GALNTL6: variants seen among roughly 807,000 people sequenced by gnomAD.
GALNTL6 encodes the protein polypeptide N-acetylgalactosaminyltransferase like 6, also known as polypeptide N-acetylgalactosaminyltransferase-like 6.
Under a neutral mutation model 73.7 loss-of-function variants are expected in GALNTL6, and 46 were observed. The observed-to-expected ratio is 0.62, with a 90% CI of 0.49 to 0.80. The LOEUF (loss-of-function observed/expected upper bound fraction) is 0.80. Among genes scored for constraint, GALNTL6 ranks in the 30% least tolerant of loss-of-function variants. The pLI is 0.00. For synonymous variants in GALNTL6, 259 were observed against 263.7 expected, an observed-to-expected ratio of 0.98 and a Z score of 0.17; for missense variants, 604 against 755.0, an observed-to-expected ratio of 0.80 and a Z score of 2.34.
chr4:172,852,513 T>C (rs1327536258), intron 7 of GALNTL6, among the ~76,000 whole-genome samples: 1 of 152,112 alleles, frequency 6.6e-6, no homozygotes, highest in East Asian at 1.9e-4. Flanking sequence ...CAGCAATAAC[T>C]CTACACTGTG....
chr4:172,206,815 TTTG>T lies in GALNTL6; in HGVS notation c.139-22838_139-22836del, dbSNP rs1277063476. Among the ~76,000 whole-genome samples the T allele has an allele frequency of 1.7e-3, 69 of 40,688 alleles. 5 individuals are homozygous for T. Among genetic ancestry groups the T allele is most frequent in the East Asian group, 2.5e-3 (1 of 396 alleles). 26.7% of individuals were successfully genotyped at this position (40,688 alleles called of 152,430 possible). On this transcript the variant is annotated intron_variant, in intron 2 of 12. Coordinates refer to ENST00000506823, the MANE Select transcript of GALNTL6 (RefSeq NM_001034845.3). ...TTGTTTTGTTTTTCTGTTTTTTTTG[TTTG>T]TTTTTTTTTTTTTTTTTGAGACGGA... is the stretch of plus-strand genomic sequence containing the variant.
At chr4:172,590,054 A>G (rs1426612936) in intron 5 of GALNTL6, among the ~76,000 whole-genome samples, 1 of 152,198 alleles carries the variant, frequency 6.6e-6, no homozygotes, top group African/African-American at 2.4e-5. Flanking sequence ...TTGTTAATGC[A>G]TCTTTGTACA....
At chr4:172,753,927 G>C (rs1160884552) in intron 5 of GALNTL6, among the ~76,000 whole-genome samples, 1 of 152,178 alleles carries the variant, frequency 6.6e-6, no homozygotes, top group Non-Finnish European at 1.5e-5. Flanking sequence ...GTGCTAATGA[G>C]AAGGGAGACA....
At chr4:172,799,036 C>T (rs1560960063) in intron 5 of GALNTL6, among the ~76,000 whole-genome samples, 1 of 152,106 alleles carries the variant, frequency 6.6e-6, no homozygotes, top group Non-Finnish European at 1.5e-5. Flanking sequence ...TTAATAGATA[C>T]ATTGGTAAAT....
chr4:171,970,859 C>T (rs546583893), intron 2 of GALNTL6, among the ~76,000 whole-genome samples: 62 of 152,074 alleles, frequency 4.1e-4, no homozygotes, highest in Non-Finnish European at 7.5e-4. Context: ...AAAAAAGTTT[C>T]GGAGCTAATG....
chr4:172,343,348 C>T (rs189091987), intron 4 of GALNTL6, among the ~76,000 whole-genome samples: 1 of 152,246 alleles, frequency 6.6e-6, no homozygotes, highest in East Asian at 1.9e-4. Context: ...GTGAAGAATA[C>T]ATGAAAGTTT....
At position 171,908,193 on chromosome 4, in the gene GALNTL6, T is replaced by A. The variant is rs569501343; in HGVS notation, c.138+93475T>A. 1.7e-4 allele frequency among the ~76,000 whole-genome samples: 26 copies of A among 151,998 alleles called. No individual in the cohort carries two copies. The East Asian group carries it at 3.7e-3, about 21-fold the overall frequency. On this transcript the variant is annotated intron_variant, in intron 2 of 12. Coordinates refer to ENST00000506823, the MANE Select transcript of GALNTL6 (RefSeq NM_001034845.3). ...TTCTGCACAGCAAAAGAAACTACCA[T>A]CAGAGTGAACAGGCAACCTACAAAA...
intron 10 of GALNTL6, among the ~76,000 whole-genome samples, chr4:172,993,002 G>A (rs1751607192): frequency 6.6e-6 from 1 of 152,138 alleles, no homozygotes; most frequent in Admixed American, 6.5e-5. Context: ...AGTCGATGAG[G>A]TCAGATTTCT....
intron 5 of GALNTL6, among the ~76,000 whole-genome samples, chr4:172,475,591 T>G (rs1733202946): frequency 6.6e-6 from 1 of 152,222 alleles, no homozygotes; most frequent in Non-Finnish European, 1.5e-5. Flanking sequence ...TATATTTATA[T>G]GTTTTTCTTA....
At chr4:172,439,690 A>G (rs916395973) in intron 5 of GALNTL6, among the ~76,000 whole-genome samples, 5 of 151,980 alleles carry the variant, frequency 3.3e-5, no homozygotes, top group African/African-American at 9.7e-5. Context: ...CTACACCTCC[A>G]TCTGGATTTC....
chr4:172,279,824 T>TA (rs1364004299), intron 3 of GALNTL6, among the ~76,000 whole-genome samples: 1 of 152,076 alleles, frequency 6.6e-6, no homozygotes, highest in Non-Finnish European at 1.5e-5. Context: ...GTGGAAGCAA[T>TA]AAAAATATCC....
At chr4:171,833,892 G>A (rs1247673046) in intron 2 of GALNTL6, among the ~76,000 whole-genome samples, 1 of 151,656 alleles carries the variant, frequency 6.6e-6, no homozygotes, top group Non-Finnish European at 1.5e-5. Context: ...TAAACACACT[G>A]CTCTAGCAAA....
At chr4:173,016,919 G>A (rs1385555483) in intron 11 of GALNTL6, among the ~76,000 whole-genome samples, 1 of 152,156 alleles carries the variant, frequency 6.6e-6, no homozygotes, top group African/African-American at 2.4e-5. Context: ...GACCCAGTGG[G>A]AGGTAATTTG....
chr4:172,093,575 T>C (rs1732268686), intron 2 of GALNTL6, among the ~76,000 whole-genome samples: 1 of 152,030 alleles, frequency 6.6e-6, no homozygotes. Context: ...AGGAGGTGAG[T>C]AGCCCGCAAG....
At chr4:172,988,743 T>C (rs1751406899) in intron 10 of GALNTL6, among the ~76,000 whole-genome samples, 4 of 152,240 alleles carry the variant, frequency 2.6e-5, no homozygotes, top group Admixed American at 1.3e-4. Flanking sequence ...GCATCCTATC[T>C]TCTCCAGCTC....
intron 2 of GALNTL6, among the ~76,000 whole-genome samples, chr4:171,983,876 G>A (rs1739988657): frequency 6.6e-6 from 1 of 152,128 alleles, no homozygotes; most frequent in South Asian, 2.1e-4. Flanking sequence ...GGGCCATGGA[G>A]TAGGGAAGTG....
At chr4:172,925,600 G>T (rs970281597) in intron 8 of GALNTL6, among the ~76,000 whole-genome samples, 2 of 152,196 alleles carry the variant, frequency 1.3e-5, no homozygotes, top group Non-Finnish European at 2.9e-5. Flanking sequence ...ACTAAAAATG[G>T]TGTCGATAAG....
At chr4:172,994,183 C>A (rs1252330648) in intron 10 of GALNTL6, among the ~76,000 whole-genome samples, 1 of 152,132 alleles carries the variant, frequency 6.6e-6, no homozygotes, top group African/African-American at 2.4e-5. Context: ...AGATGGTGCC[C>A]TGGGTAGCAT....
chr4:172,859,116 T>C (rs1195566618), intron 7 of GALNTL6, among the ~76,000 whole-genome samples: 3 of 151,244 alleles, frequency 2.0e-5, no homozygotes, highest in Non-Finnish European at 4.4e-5. Flanking sequence ...AATTTATTCA[T>C]TGCAAGCAAC....
Sources: allele counts gnomAD v4.1 joint callset (sites outside exome capture counted in the v4.1 genomes callset), GRCh38; gene constraint gnomAD v4.1.1; transcripts MANE v1.5; gene names NCBI Gene and HGNC (gene_info 2026-07-23, HGNC 2026-07-21).